The following MCM3AP variants were observed in gnomAD, a reference collection of about 807,000 sequenced individuals.
MCM3AP encodes the protein minichromosome maintenance complex component 3 associated protein.
In MCM3AP, 126 loss-of-function variants were observed where a neutral mutation model predicts 184.1. That is an observed-to-expected ratio of 0.68 (90% CI 0.59 to 0.79). MCM3AP has a LOEUF of 0.79. Among genes scored for constraint, MCM3AP ranks in the 30% least tolerant of loss-of-function variants. The pLI is 0.00. For missense variants in MCM3AP, 2,496 were observed against 2,479.2 expected, an observed-to-expected ratio of 1.01 and a Z score of -0.14; for synonymous variants, 1,002 against 979.3, an observed-to-expected ratio of 1.02 and a Z score of -0.43.
intron 16 of MCM3AP, among the ~76,000 whole-genome samples, chr21:46,258,625 T>C (rs550337909): frequency 6.6e-6 from 1 of 152,292 alleles, no homozygotes; most frequent in South Asian, 2.1e-4. Flanking sequence ...TTCATAGCTG[T>C]CTCCCAGCAC....
At chr21:46,280,252 G>C in intron 3 of MCM3AP, 115 bp from the exon 4 acceptor site, 1 of 1,214,574 alleles carries the variant, frequency 8.2e-7, no homozygotes, top group Non-Finnish European at 1.2e-6. Context: ...GGAGGTTAGA[G>C]AAGAGCCCAA....
intron 12 of MCM3AP, 125 bp from the exon 13 acceptor site, chr21:46,264,342 C>A: frequency 1.6e-6 from 1 of 621,296 alleles, no homozygotes; most frequent in South Asian, 2.0e-5. Context: ...GACACGGGGT[C>A]GGCTAGGCTG....
intron 23 of MCM3AP, 95 bp from the exon 24 acceptor site, chr21:46,243,817 T>C: frequency 7.8e-7 from 1 of 1,290,070 alleles, no homozygotes. Context: ...AACTGTGAAG[T>C]TGAGAAGTCT....
chr21:46,249,351 C>G (rs1011743772), intron 20 of MCM3AP, among the ~76,000 whole-genome samples: 3 of 152,102 alleles, frequency 2.0e-5, no homozygotes, highest in Non-Finnish European at 4.4e-5. Flanking sequence ...CCATGCCCAG[C>G]TAATTTTTGT....
At position 46,261,473 on chromosome 21, in the gene MCM3AP, G is replaced by A. The variant is rs1569067867; in HGVS notation, c.3336-62C>T. 1.2e-5 allele frequency: 18 copies of A among 1,516,616 alleles called. No homozygotes were observed. The South Asian group carries it at 1.5e-4, about 13-fold the overall frequency. The allele number at this position is 1,516,616 out of a possible 1,614,324, so 93.9% of individuals were successfully genotyped here. On this transcript the variant is annotated intron_variant, in intron 13 of 27. Coordinates refer to ENST00000291688, the MANE Select transcript of MCM3AP (RefSeq NM_003906.5). ...GTCAAGGCCGGGTGCGGTGGCTCAC[G>A]CCTGTAATCCCAGCACTTTGGGAGG...
chr21:46,281,954 C>A (rs551097686), intron 2 of MCM3AP, among the ~76,000 whole-genome samples: 1 of 152,016 alleles, frequency 6.6e-6, no homozygotes. Context: ...GCCAAGATTG[C>A]GCCACTACAA....
intron 2 of MCM3AP, among the ~76,000 whole-genome samples, chr21:46,282,425 T>C (rs1395259533): frequency 6.6e-6 from 1 of 152,222 alleles, no homozygotes; most frequent in Non-Finnish European, 1.5e-5. Flanking sequence ...CGTAATTTTG[T>C]CTATGAGAAT....
chr21:46,254,265 G>T, intron 19 of MCM3AP, 127 bp downstream of exon 19: 1 of 941,198 alleles, frequency 1.1e-6, no homozygotes, highest in Non-Finnish European at 1.6e-6. Context: ...GTAAATCCAA[G>T]CATTAAAACA....
At chr21:46,254,580 C>A in intron 18 of MCM3AP, 54 bp from the exon 19 acceptor site, 2 of 1,600,060 alleles carry the variant, frequency 1.2e-6, no homozygotes, top group East Asian at 2.2e-5. Context: ...CTTGCAGGAG[C>A]AGCACACACA....
chr21:46,278,712 T>C (rs1169130018), intron 4 of MCM3AP, among the ~76,000 whole-genome samples: 4 of 151,930 alleles, frequency 2.6e-5, no homozygotes, highest in Non-Finnish European at 4.4e-5. Flanking sequence ...CTCGCTCTGT[T>C]GCCCAGTCTG....
At chr21:46,264,271 G>T (rs1172657840) in intron 12 of MCM3AP, 54 bp from the exon 13 acceptor site, 1 of 1,152,052 alleles carries the variant, frequency 8.7e-7, no homozygotes, top group Non-Finnish European at 1.3e-6. Flanking sequence ...GGGCAGAAAT[G>T]CTGGGTAACA....
intron 20 of MCM3AP, among the ~76,000 whole-genome samples, chr21:46,249,307 C>T (rs552846360): frequency 6.6e-6 from 1 of 152,302 alleles, no homozygotes. Context: ...CCCACCTCAG[C>T]TTCCCAAGCT....
chr21:46,261,364 C>T lies in MCM3AP; in HGVS notation c.3383G>A (p.Gly1128Asp). 6.2e-7 allele frequency: 1 copy of T among 1,614,072 alleles called. No homozygotes were observed. The highest frequency in any genetic ancestry group is 8.5e-7 in the Non-Finnish European group (1 of 1,179,962). ...TTCAGCTGCAATGTGCCTCAAAATG[C>T]CCGTGGTTGCAGCTGTTAACAAATC... ...MEDLLTAATT[G>D]ILRHIAAEEV... Residue 1128 changes from glycine (G) to aspartate (D), a missense_variant, in exon 14 of 28, where the codon GGC becomes GAC. Gly to Asp is a moderately conservative substitution (Grantham distance 94). Transcript: ENST00000291688.
intron 16 of MCM3AP, among the ~76,000 whole-genome samples, chr21:46,258,647 G>C (rs2080992455): frequency 1.3e-5 from 2 of 152,124 alleles, no homozygotes; most frequent in South Asian, 2.1e-4. Flanking sequence ...TAGTGCAGTG[G>C]GCAAATGGCA....
chr21:46,254,318 C>T (rs867507491), intron 19 of MCM3AP, 74 bp downstream of exon 19: 244 of 1,559,280 alleles, frequency 1.6e-4, no homozygotes, highest in Middle Eastern at 1.5e-3. Context: ...AAGAGGAATA[C>T]CCGGCCCTGG....
Position 46,246,864 on chromosome 21 carries a change from T to A in MCM3AP, c.4313A>T (p.Asp1438Val). The A allele has an allele frequency of 6.2e-7, 1 of 1,613,990 alleles. No homozygotes were observed. Among genetic ancestry groups the A allele is most frequent in the African/African-American group, 1.3e-5 (1 of 75,026 alleles). ...TGTCTCCACAGCATCAATGGCACCA[T>A]CACTGAGGGCGCCATGGGCCACCTG... Reference protein sequence around the residue: ...CIKVAHGALSDGAIDAVETQK... With the variant: ...CIKVAHGALSVGAIDAVETQK... The change falls in exon 21 of 28, where the codon GAT becomes GTT. Residue 1438 changes from aspartate to valine, a missense_variant. Coordinates refer to ENST00000291688, the MANE Select transcript of MCM3AP (RefSeq NM_003906.5).
chr21:46,235,155 C>T lies in MCM3AP; in HGVS notation c.*113G>A. ...GACTGACATTTAAATGGTTTATCTG[C>T]ATGATTAAATTAATCACATTTCCAA... On this transcript the variant is annotated 3_prime_UTR_variant, in exon 28 of 28. Transcript: ENST00000291688. The T allele has an allele frequency of 8.5e-7, 1 of 1,180,162 alleles. No homozygotes were observed. 73.1% of individuals were successfully genotyped at this position (1,180,162 alleles called of 1,614,324 possible). A position where few individuals can be genotyped will look rare whatever the true frequency, so the allele number is the denominator to read the frequency against.
At chr21:46,262,479 C>A (rs1367340637) in intron 13 of MCM3AP, among the ~76,000 whole-genome samples, 2 of 152,040 alleles carry the variant, frequency 1.3e-5, no homozygotes, top group African/African-American at 4.8e-5. Flanking sequence ...GAGACCCCAT[C>A]TCTACAAAAA....
Position 46,284,278 on chromosome 21 carries a change from A to C in MCM3AP, c.1009T>G (p.Leu337Val). The C allele has an allele frequency of 6.2e-7, 1 of 1,614,086 alleles. No homozygotes were observed. The highest frequency in any genetic ancestry group is 8.5e-7 in the Non-Finnish European group (1 of 1,180,024). ...ACATCCTGTATCGTCCGACCAAATAAAGTACCTCCCCGGGGTCGATTCAGG... is the reference window on the plus strand; with the variant it reads ...ACATCCTGTATCGTCCGACCAAATACAGTACCTCCCCGGGGTCGATTCAGG... ...VRLNRPRGGT[L>V]FGRTIQDVFK... The change falls in exon 1 of 28, where the codon TTA (leucine) becomes GTA (valine). Residue 337 changes from leucine (L) to valine (V), a missense_variant. Leu to Val is a conservative substitution (Grantham distance 32, BLOSUM62 1). This residue lies in a region of MCM3AP where 800 missense variants were observed against 717.1 expected (regional missense o/e 1.12). Transcript: ENST00000291688.
Sources: allele counts gnomAD v4.1 joint callset (sites outside exome capture counted in the v4.1 genomes callset), GRCh38; gene constraint gnomAD v4.1.1; regional missense constraint gnomAD v4.1.1; transcripts MANE v1.5; gene names NCBI Gene and HGNC (gene_info 2026-07-23, HGNC 2026-07-21).